RBFOX1: variants seen among roughly 807,000 people sequenced by gnomAD.
RBFOX1 encodes RNA binding fox-1 homolog 1, also known as RNA binding protein fox-1 homolog 1.
A neutral mutation model predicts 57.7 loss-of-function variants in RBFOX1; 8 were observed. The observed-to-expected ratio is 0.14, with a 90% CI of 0.08 to 0.25. RBFOX1 has a LOEUF of 0.25. Among genes scored for constraint, RBFOX1 ranks in the 10% least tolerant of loss-of-function variants. RBFOX1 has a pLI of 1.00. For synonymous variants in RBFOX1, 326 were observed against 222.4 expected (o/e 1.47, Z -4.15); for missense variants, 611 against 548.5 (o/e 1.11, Z -1.14).
At chr16:6,901,270 T>C (rs1176406383) in intron 3 of RBFOX1, among the ~76,000 whole-genome samples, 4 of 152,216 alleles carry the variant, frequency 2.6e-5, no homozygotes, top group Non-Finnish European at 5.9e-5. Context: ...CTTGTTCATC[T>C]CTTCTGTCTA....
intron 4 of RBFOX1, among the ~76,000 whole-genome samples, chr16:7,164,043 C>G (rs375155929): frequency 2.0e-4 from 31 of 152,102 alleles, no homozygotes; most frequent in Middle Eastern, 3.2e-3. Context: ...GTGGTGATTT[C>G]TGAGATTTTG....
chr16:6,966,133 G>T (rs2084095845), intron 3 of RBFOX1, among the ~76,000 whole-genome samples: 2 of 152,076 alleles, frequency 1.3e-5, no homozygotes, highest in African/African-American at 4.8e-5. Flanking sequence ...AGCACATAAG[G>T]CATGGTTCCA....
intron 3 of RBFOX1, among the ~76,000 whole-genome samples, chr16:6,941,516 C>A (rs2078512006): frequency 6.6e-6 from 1 of 151,798 alleles, no homozygotes; most frequent in Admixed American, 6.6e-5. Context: ...GTAAGGGGAC[C>A]CTGCTGGTGG....
chr16:7,489,237 A>T (rs2066265578), intron 4 of RBFOX1, among the ~76,000 whole-genome samples: 2 of 152,096 alleles, frequency 1.3e-5, no homozygotes, highest in South Asian at 2.1e-4. Flanking sequence ...ACCTTTTTTT[A>T]AATTCAAGAG....
At chr16:5,416,595 T>C (rs557108795) in intron 1 of RBFOX1, among the ~76,000 whole-genome samples, 1 of 152,320 alleles carries the variant, frequency 6.6e-6, no homozygotes, top group African/African-American at 2.4e-5. Context: ...TTATGGCACT[T>C]TAAAGATCTC....
intron 2 of RBFOX1, among the ~76,000 whole-genome samples, chr16:6,636,568 C>G (rs1025357904): frequency 6.6e-6 from 1 of 151,526 alleles, no homozygotes; most frequent in South Asian, 2.1e-4. Flanking sequence ...GAAGATTTCT[C>G]TTTTATTTGG....
At chr16:7,307,768 T>C (rs901467502) in intron 4 of RBFOX1, among the ~76,000 whole-genome samples, 3 of 152,134 alleles carry the variant, frequency 2.0e-5, no homozygotes, top group Non-Finnish European at 2.9e-5. Flanking sequence ...ACACACCTAG[T>C]ATAGAGCATA....
At chr16:7,276,529 A>C (rs993675344) in intron 4 of RBFOX1, among the ~76,000 whole-genome samples, 2 of 152,074 alleles carry the variant, frequency 1.3e-5, no homozygotes, top group Non-Finnish European at 2.9e-5. Context: ...GGGAAATCTA[A>C]GTAGGAGGCT....
At chr16:5,322,672 G>A (rs150833763) in intron 1 of RBFOX1, among the ~76,000 whole-genome samples, 107 of 152,264 alleles carry the variant, frequency 7.0e-4, no homozygotes, top group African/African-American at 2.4e-3. Context: ...CTCAAATCCC[G>A]TGGTTCCTAT....
Position 7,051,312 on chromosome 16 carries a change from C to G in RBFOX1, c.-15-745C>G, listed in dbSNP as rs148421283. On this transcript the variant is annotated intron_variant, in intron 3 of 15. Coordinates refer to ENST00000550418, the MANE Select transcript of RBFOX1 (RefSeq NM_018723.4). ...GCATAATCATGTAATACGACTCCAC[C>G]CATCCCCTTAACCCACCTATGTTTT... Among the ~76,000 whole-genome samples the G allele has an allele frequency of 2.7e-3, 418 of 152,250 alleles. 3 individuals carry two copies. The highest frequency in any genetic ancestry group is 9.7e-3 in the African/African-American group (401 of 41,544).
At chr16:6,498,508 C>G (rs1219076475) in intron 2 of RBFOX1, among the ~76,000 whole-genome samples, 1 of 152,140 alleles carries the variant, frequency 6.6e-6, no homozygotes, top group Admixed American at 6.5e-5. Flanking sequence ...GTTCAGCAAT[C>G]AGGCCCTTTT....
chr16:6,483,526 C>T (rs534542342), intron 2 of RBFOX1: 43 of 1,534,622 alleles, frequency 2.8e-5, no homozygotes, highest in Admixed American at 3.9e-5. Flanking sequence ...TAATTGCAGT[C>T]GTGGGAGATG....
At chr16:6,334,628 G>A (rs2083420863) in intron 2 of RBFOX1, among the ~76,000 whole-genome samples, 1 of 152,108 alleles carries the variant, frequency 6.6e-6, no homozygotes, top group Admixed American at 6.6e-5. Context: ...TGGGTCATAG[G>A]GAGTTTTATT....
intron 1 of RBFOX1, among the ~76,000 whole-genome samples, chr16:6,073,311 C>G (rs1037814247): frequency 6.6e-6 from 1 of 152,078 alleles, no homozygotes; most frequent in Non-Finnish European, 1.5e-5. Flanking sequence ...GAGGTTTTTG[C>G]CAAATATTTT....
intron 3 of RBFOX1, among the ~76,000 whole-genome samples, chr16:6,891,216 C>G (rs1379151678): frequency 2.6e-5 from 4 of 152,148 alleles, no homozygotes; most frequent in Admixed American, 2.0e-4. Context: ...TTTGTAGCAG[C>G]TACAAATTAT....
At chr16:6,627,458 G>A (rs957676235) in intron 2 of RBFOX1, among the ~76,000 whole-genome samples, 1 of 152,116 alleles carries the variant, frequency 6.6e-6, no homozygotes, top group Admixed American at 6.5e-5. Context: ...AAGTCTCTAT[G>A]ATGTTGATTG....
chr16:7,079,410 G>A (rs1209380932), intron 4 of RBFOX1, among the ~76,000 whole-genome samples: 1 of 152,170 alleles, frequency 6.6e-6, no homozygotes, highest in East Asian at 1.9e-4. Flanking sequence ...CATATGGAAA[G>A]TTCTGCCTGA....
intron 1 of RBFOX1, among the ~76,000 whole-genome samples, chr16:5,462,058 C>T (rs963275998): frequency 2.6e-5 from 4 of 152,150 alleles, no homozygotes; most frequent in Admixed American, 6.5e-5. Context: ...CTCACACCAT[C>T]ACTGGCACTA....
At position 6,240,781 on chromosome 16, in the gene RBFOX1, TC is replaced by T. The variant is rs201982280; in HGVS notation, c.-126-76212del. Among the ~76,000 whole-genome samples the T allele has an allele frequency of 8.3e-3, 1,269 of 152,286 alleles. 5 individuals are homozygous for T. Among genetic ancestry groups the T allele is most frequent in the Middle Eastern group, 0.024 (7 of 294 alleles). The stretch of plus-strand genomic sequence containing the variant: ...CTCAGCCACATTTGGACTTTTCTAT[TC>T]CATTTGGTCAGTCTCCAACTCTTTC... On this transcript the variant is annotated intron_variant, in intron 1 of 15. Coordinates refer to ENST00000550418, the MANE Select transcript of RBFOX1 (RefSeq NM_018723.4).
Sources: allele counts gnomAD v4.1 joint callset (sites outside exome capture counted in the v4.1 genomes callset), GRCh38; gene constraint gnomAD v4.1.1; transcripts MANE v1.5; gene names NCBI Gene and HGNC (gene_info 2026-07-23, HGNC 2026-07-21).